Variants in PDE3A observed in about 807,000 individuals in gnomAD.
The protein encoded by PDE3A is phosphodiesterase 3A, also known as cGMP-inhibited 3',5'-cyclic phosphodiesterase 3A.
In PDE3A, 43 loss-of-function variants were observed where a neutral mutation model predicts 98.3. The observed-to-expected ratio is 0.44, with a 90% confidence interval of 0.34 to 0.56. PDE3A has a LOEUF of 0.56. Ranked by LOEUF, PDE3A falls within the 20% of genes least tolerant of loss-of-function variation. The pLI is 0.01. For synonymous variants in PDE3A, 663 were observed against 567.9 expected (o/e 1.17, Z -2.38); for missense variants, 1,427 against 1,440.7 (o/e 0.99, Z 0.15).
intron 1 of PDE3A, among the ~76,000 whole-genome samples, chr12:20,533,472 C>G (rs1941664103): frequency 9.2e-6 from 1 of 108,250 alleles, no homozygotes; most frequent in Non-Finnish European, 1.9e-5. Context: ...TACCCAGTTT[C>G]TTTTTCTTTT....
rs149916680 is a variant in PDE3A at position 20,629,939 on chromosome 12, G to T, written c.1572G>T (p.Ser524=). Residue 524 remains serine (S), a synonymous_variant, in exon 6 of 16, where the codon TCG becomes TCT. Transcript: ENST00000359062. ...TCGCTAAAATTTCACCTCTTTCATCGCCCTGCTCCTCACCTCTCCAAGGGA... is the reference window on the plus strand; with the variant it reads ...TCGCTAAAATTTCACCTCTTTCATCTCCCTGCTCCTCACCTCTCCAAGGGA... ...GALAKISPLS[S]PCSSPLQGTP... is the part of the protein sequence containing the mutation. 4 of 1,613,544 alleles carry T rather than the reference G, an allele frequency of 2.5e-6. No homozygotes were observed. In the African/African-American group the frequency reaches 5.4e-5, roughly 22 times the overall value.
At chr12:20,484,322 T>G (rs1379541710) in intron 1 of PDE3A, among the ~76,000 whole-genome samples, 1 of 152,200 alleles carries the variant, frequency 6.6e-6, no homozygotes, top group African/African-American at 2.4e-5. Context: ...GTTTTAATTT[T>G]TATATAAGGT....
intron 15 of PDE3A, among the ~76,000 whole-genome samples, chr12:20,674,059 T>G (rs1359954679): frequency 6.6e-6 from 1 of 152,156 alleles, no homozygotes; most frequent in African/African-American, 2.4e-5. Flanking sequence ...TAAATTTATT[T>G]CTAATTTTTT....
At chr12:20,475,264 G>A (rs1037938507) in intron 1 of PDE3A, among the ~76,000 whole-genome samples, 4 of 150,224 alleles carry the variant, frequency 2.7e-5, no homozygotes, top group African/African-American at 2.4e-5. Flanking sequence ...TTCCTCCCAT[G>A]TTAAAATCGG....
At chr12:20,540,559 A>T (rs1458391802) in intron 1 of PDE3A, among the ~76,000 whole-genome samples, 1 of 152,130 alleles carries the variant, frequency 6.6e-6, no homozygotes, top group Non-Finnish European at 1.5e-5. Context: ...GAAAGTGTAA[A>T]TTGAGGCTAA....
chr12:20,416,772 C>A (rs5014037), intron 1 of PDE3A, among the ~76,000 whole-genome samples: 94,010 of 151,976 alleles, frequency 0.62, 30,836 homozygotes, highest in East Asian at 0.88. Flanking sequence ...AGATTATTTG[C>A]AAATTCTTCT....
chr12:20,626,635 T>C (rs1358666754), intron 5 of PDE3A, among the ~76,000 whole-genome samples: 2 of 152,028 alleles, frequency 1.3e-5, no homozygotes, highest in Non-Finnish European at 1.5e-5. Context: ...AGTAGTGGGA[T>C]TGCAGGCATG....
At chr12:20,471,367 G>A (rs1275235714) in intron 1 of PDE3A, among the ~76,000 whole-genome samples, 1 of 152,128 alleles carries the variant, frequency 6.6e-6, no homozygotes, top group Non-Finnish European at 1.5e-5. Flanking sequence ...TCCGGGGTAA[G>A]GTCAGGTACT....
chr12:20,546,374 C>A (rs1447880024), intron 1 of PDE3A, among the ~76,000 whole-genome samples: 3 of 144,028 alleles, frequency 2.1e-5, no homozygotes, highest in Non-Finnish European at 3.0e-5. Flanking sequence ...AAAGGACCAC[C>A]AAAAAAAAAA....
At chr12:20,536,447 A>C (rs1036078032) in intron 1 of PDE3A, among the ~76,000 whole-genome samples, 6 of 152,066 alleles carry the variant, frequency 3.9e-5, no homozygotes, top group African/African-American at 4.8e-5. Flanking sequence ...GTATATTCAC[A>C]AAGTTATGGA....
At chr12:20,555,186 G>A (rs1204585346) in intron 1 of PDE3A, among the ~76,000 whole-genome samples, 1 of 152,046 alleles carries the variant, frequency 6.6e-6, no homozygotes, top group Non-Finnish European at 1.5e-5. Flanking sequence ...ACCACGCCTG[G>A]CTAATTTTTG....
At chr12:20,624,648 TA>T (rs1309952258) in intron 5 of PDE3A, among the ~76,000 whole-genome samples, 1 of 152,172 alleles carries the variant, frequency 6.6e-6, no homozygotes, top group Non-Finnish European at 1.5e-5. Flanking sequence ...ACAGCACAGC[TA>T]AAAGTTTATA....
intron 4 of PDE3A, among the ~76,000 whole-genome samples, chr12:20,619,517 A>G (rs1944084823): frequency 6.6e-6 from 1 of 152,088 alleles, no homozygotes; most frequent in African/African-American, 2.4e-5. Context: ...ACATTACATA[A>G]TATTTCTTCA....
chr12:20,625,540 G>GA (rs1944241995), intron 5 of PDE3A, among the ~76,000 whole-genome samples: 1 of 151,954 alleles, frequency 6.6e-6, no homozygotes, highest in African/African-American at 2.4e-5. Context: ...TTCTGCTTTG[G>GA]AAAAAATATT....
At chr12:20,427,874 CTAAA>C (rs1944627181) in intron 1 of PDE3A, among the ~76,000 whole-genome samples, 1 of 151,714 alleles carries the variant, frequency 6.6e-6, no homozygotes, top group South Asian at 2.1e-4. Context: ...CATTTCTTAA[CTAAA>C]TCCTCTTTTT....
intron 5 of PDE3A, among the ~76,000 whole-genome samples, chr12:20,624,339 G>C (rs1217725076): frequency 6.6e-6 from 1 of 152,152 alleles, no homozygotes; most frequent in Admixed American, 6.5e-5. Flanking sequence ...ATAAGATCAA[G>C]AAGCTGAAAA....
In PDE3A at chr12:20,551,533, G is replaced by C. The variant is rs994728797; in HGVS notation, c.961-5127G>C. ...TCTGGTTAATTCCGATAACGAACGA[G>C]ACTCTGGCATGCTAACTAGTTACGC... On this transcript the variant is annotated intron_variant, in intron 1 of 15. Transcript: ENST00000359062. 2.7e-5 allele frequency: 33 copies of C among 1,232,542 alleles called. No homozygotes were observed. In the African/African-American group the frequency reaches 4.3e-4, roughly 16 times the overall value. 76.4% of individuals were successfully genotyped at this position (1,232,542 alleles called of 1,614,324 possible). A position where few individuals can be genotyped will look rare whatever the true frequency, so the allele number is the denominator to read the frequency against.
chr12:20,596,362 C>T (rs1240960972), intron 2 of PDE3A, among the ~76,000 whole-genome samples: 1 of 152,116 alleles, frequency 6.6e-6, no homozygotes, highest in Admixed American at 6.6e-5. Context: ...TCCTGCCTGA[C>T]ATCTGCCCGC....
rs1945877381 is a variant in PDE3A at position 20,684,028 on chromosome 12, A to G, written c.*3757A>G. 2 of 152,174 alleles carry G rather than the reference A, an allele frequency of 1.3e-5. No homozygotes were observed. The highest frequency in any genetic ancestry group is 4.8e-5 in the African/African-American group (2 of 41,452). 9.4% of individuals were successfully genotyped at this position (152,174 alleles called of 1,614,324 possible). A position where few individuals can be genotyped will look rare whatever the true frequency, so the allele number is the denominator to read the frequency against. Reference sequence around the variant, plus strand: ...CTACTCTTTGTTTAAATGATGGAAAAATATAAATTATTTTCTAAGTAATAA... The same window carrying G: ...CTACTCTTTGTTTAAATGATGGAAAGATATAAATTATTTTCTAAGTAATAA... On this transcript the variant is annotated 3_prime_UTR_variant, in exon 16 of 16. Coordinates refer to ENST00000359062, the MANE Select transcript of PDE3A (RefSeq NM_000921.5).
Sources: allele counts gnomAD v4.1 joint callset (sites outside exome capture counted in the v4.1 genomes callset), GRCh38; gene constraint gnomAD v4.1.1; transcripts MANE v1.5; gene names NCBI Gene and HGNC (gene_info 2026-07-23, HGNC 2026-07-21).